DOCK9: variants seen among roughly 807,000 people sequenced by gnomAD.
The protein encoded by DOCK9 is dedicator of cytokinesis protein 9.
In DOCK9, 89 loss-of-function variants were observed where a neutral mutation model predicts 263.3. That is an observed-to-expected ratio of 0.34 (90% CI 0.28 to 0.40). The LOEUF is 0.40. DOCK9 is among the 10% of genes least tolerant of loss of function. DOCK9 has a pLI of 1.00. For missense variants in DOCK9, 2,140 were observed against 2,603.4 expected, an observed-to-expected ratio of 0.82 and a Z score of 3.87; for synonymous variants, 976 against 973.1, an observed-to-expected ratio of 1.00 and a Z score of -0.06.
At chr13:98,952,245 G>A (rs1200368128) in intron 2 of DOCK9, among the ~76,000 whole-genome samples, 1 of 149,972 alleles carries the variant, frequency 6.7e-6, no homozygotes, top group Admixed American at 6.6e-5. Flanking sequence ...TTGATTTTTT[G>A]TTTGTTTTGA....
chr13:98,942,061 G>T (rs1181017870), intron 2 of DOCK9, among the ~76,000 whole-genome samples: 6 of 152,150 alleles, frequency 3.9e-5, no homozygotes, highest in Non-Finnish European at 7.4e-5. Flanking sequence ...AACCCCTGTG[G>T]ACATACGACT....
chr13:98,810,853 A>G (rs2091235093), intron 45 of DOCK9, among the ~76,000 whole-genome samples: 1 of 152,190 alleles, frequency 6.6e-6, no homozygotes, highest in African/African-American at 2.4e-5. Flanking sequence ...ATGGCTTAAG[A>G]ATTGTGGCCT....
At chr13:98,841,997 A>T (rs2093236937) in intron 38 of DOCK9, among the ~76,000 whole-genome samples, 2 of 152,140 alleles carry the variant, frequency 1.3e-5, no homozygotes, top group Non-Finnish European at 2.9e-5. Context: ...AGCACATTTT[A>T]TCCAATTTTA....
At chr13:98,916,885 T>C (rs1415089005) in intron 7 of DOCK9, among the ~76,000 whole-genome samples, 2 of 152,216 alleles carry the variant, frequency 1.3e-5, no homozygotes, top group African/African-American at 4.8e-5. Flanking sequence ...GCTTCAAAAT[T>C]TTTTAGTTTA....
upstream of DOCK9, among the ~76,000 whole-genome samples, chr13:98,979,013 A>T (rs1288869823): frequency 6.6e-6 from 1 of 152,166 alleles, no homozygotes; most frequent in Non-Finnish European, 1.5e-5. Flanking sequence ...AGAAATGAAC[A>T]TTAAAGGGGG....
intron 1 of DOCK9, among the ~76,000 whole-genome samples, chr13:99,073,919 A>T (rs1330546547): frequency 2.0e-5 from 3 of 152,218 alleles, no homozygotes; most frequent in Non-Finnish European, 4.4e-5. Context: ...TTCTAGAATT[A>T]TCAAACCATC....
chr13:98,835,961 C>A (rs1316168928), intron 39 of DOCK9, among the ~76,000 whole-genome samples: 1 of 152,130 alleles, frequency 6.6e-6, no homozygotes, highest in Admixed American at 6.5e-5. Context: ...TGGTCTCGAT[C>A]TCCTGACCTC....
At chr13:98,879,058 GA>G (rs2044316070) in intron 27 of DOCK9, among the ~76,000 whole-genome samples, 1 of 152,148 alleles carries the variant, frequency 6.6e-6, no homozygotes. Flanking sequence ...CTGTCACAAG[GA>G]CAACTCCAGG....
chr13:98,902,556 CA>C, intron 11 of DOCK9, 65 bp from the exon 12 acceptor site: 2 of 1,496,840 alleles, frequency 1.3e-6, no homozygotes, highest in South Asian at 2.4e-5. Context: ...ATGTTGCTAT[CA>C]AAAGAGAAAT....
At chr13:98,941,161 T>C (rs1366710546) in intron 2 of DOCK9, among the ~76,000 whole-genome samples, 5 of 152,210 alleles carry the variant, frequency 3.3e-5, no homozygotes, top group African/African-American at 7.2e-5. Flanking sequence ...TACTCAAAGA[T>C]ACTTCTGTGT....
intron 1 of DOCK9, among the ~76,000 whole-genome samples, chr13:99,062,826 G>A (rs2142303597): frequency 6.6e-6 from 1 of 152,310 alleles, no homozygotes; most frequent in East Asian, 1.9e-4. Flanking sequence ...TCCATTGGCA[G>A]GCAGCCCAGG....
At chr13:99,007,631 A>C (rs1335758899) in intron 1 of DOCK9, among the ~76,000 whole-genome samples, 1 of 152,172 alleles carries the variant, frequency 6.6e-6, no homozygotes, top group Non-Finnish European at 1.5e-5. Flanking sequence ...TCCAGCCCCC[A>C]CAATGGAACA....
chr13:98,903,619 AGAC>A (rs138658133), intron 10 of DOCK9, among the ~76,000 whole-genome samples: 16 of 82,640 alleles, frequency 1.9e-4, no homozygotes, highest in East Asian at 4.6e-4. Context: ...AAAAAAAAAA[AGAC>A]AAAAAAAAAA....
At chr13:98,816,096 G>C (rs965756255) in intron 45 of DOCK9, among the ~76,000 whole-genome samples, 1 of 152,152 alleles carries the variant, frequency 6.6e-6, no homozygotes, top group Non-Finnish European at 1.5e-5. Flanking sequence ...CTACATGCAA[G>C]GCACAGCGCT....
chr13:98,987,486 C>T (rs1402812499), intron 1 of DOCK9, among the ~76,000 whole-genome samples: 3 of 152,164 alleles, frequency 2.0e-5, no homozygotes, highest in Non-Finnish European at 2.9e-5. Flanking sequence ...GCCCTTCTGT[C>T]GTTTCAAAAA....
chr13:98,968,853 A>G (rs2059450557), intron 1 of DOCK9, among the ~76,000 whole-genome samples: 1 of 152,226 alleles, frequency 6.6e-6, no homozygotes, highest in Non-Finnish European at 1.5e-5. Context: ...AGCAGACCAC[A>G]TTCTCCAGTG....
At chr13:98,925,455 A>T (rs1256226190) in intron 4 of DOCK9, among the ~76,000 whole-genome samples, 1 of 152,212 alleles carries the variant, frequency 6.6e-6, no homozygotes, top group East Asian at 1.9e-4. Context: ...TATTCAATGT[A>T]AAATGCTCTT....
chr13:98,811,947 C>T (rs553354036), intron 45 of DOCK9, among the ~76,000 whole-genome samples: 1 of 152,040 alleles, frequency 6.6e-6, no homozygotes, highest in African/African-American at 2.4e-5. Context: ...TATAAATATT[C>T]TTTTTTGCAT....
At chr13:98,981,465 C>T (rs1040226174), upstream of DOCK9, among the ~76,000 whole-genome samples, 1 of 152,106 alleles carries the variant, frequency 6.6e-6, no homozygotes, top group Non-Finnish European at 1.5e-5. Context: ...AATGCAGTGA[C>T]AAAATTCACA....
Sources: gnomAD v4.1 joint callset for allele counts (sites outside exome capture counted in the v4.1 genomes callset) on GRCh38, gnomAD v4.1.1 for gene constraint, MANE v1.5 for transcripts, NCBI Gene and HGNC (gene_info 2026-07-23, HGNC 2026-07-21) for gene names.